Variants in ZAN observed in about 807,000 individuals in gnomAD.
ZAN encodes the protein zonadhesin, also known as zonadhesin (gene/pseudogene).
Under a neutral mutation model 286.2 loss-of-function variants are expected in ZAN, and 260 were observed. The observed-to-expected ratio is 0.91, with a 90% CI of 0.82 to 1.01. The LOEUF is 1.01. Ranked by LOEUF, ZAN falls within the 50% of genes least tolerant of loss-of-function variation. ZAN has a pLI of 0.00. For synonymous variants in ZAN, 1,368 were observed against 1,417.5 expected, an observed-to-expected ratio of 0.97 and a Z score of 0.79; for missense variants, 3,410 against 3,639.2, an observed-to-expected ratio of 0.94 and a Z score of 1.62.
intron 34 of ZAN, among the ~76,000 whole-genome samples, chr7:100,777,904 C>T (rs1025821064): frequency 1.3e-5 from 2 of 151,742 alleles, no homozygotes; most frequent in Non-Finnish European, 2.9e-5. Flanking sequence ...GATTTGAGGG[C>T]GATGACTTCT....
In ZAN at chr7:100,752,152, A is replaced by G; in HGVS notation, c.2047A>G (p.Ser683Gly). Reference protein sequence around the residue: ...EEPVIPTEKPSIPTEKPSIPT... With the variant: ...EEPVIPTEKPGIPTEKPSIPT... ...GCCTGTCATCCCTACAGAAAAACCC[A>G]GCATCCCTACAGAAAAACCCAGCAT... Residue 683 changes from serine to glycine, a missense_variant, in exon 14 of 48, where the codon AGC (serine) becomes GGC (glycine). This residue lies in a region of ZAN where 872 missense variants were observed against 938.9 expected (regional missense o/e 0.93). Coordinates refer to ENST00000613979, the MANE Select transcript of ZAN (RefSeq NM_003386.3). The G allele has an allele frequency of 6.2e-7, 1 of 1,611,862 alleles. No individual in the cohort carries two copies. The highest frequency in any genetic ancestry group is 8.5e-7 in the Non-Finnish European group (1 of 1,179,302).
chr7:100,759,361 A>G (rs1202302155), intron 17 of ZAN, among the ~76,000 whole-genome samples: 3 of 152,102 alleles, frequency 2.0e-5, no homozygotes, highest in Non-Finnish European at 4.4e-5. Flanking sequence ...AGCTATGATC[A>G]CACCACTGCA....
At chr7:100,768,387 G>T (rs1052553319) in intron 26 of ZAN, among the ~76,000 whole-genome samples, 2 of 152,168 alleles carry the variant, frequency 1.3e-5, no homozygotes, top group African/African-American at 4.8e-5. Context: ...CGGGAGAATC[G>T]CTTGAACCTG....
intron 34 of ZAN, 35 bp downstream of exon 34, chr7:100,776,599 C>A: frequency 6.9e-7 from 1 of 1,445,132 alleles, no homozygotes; most frequent in Non-Finnish European, 9.2e-7. Context: ...GGTTTTCTTT[C>A]TTTTTCTTTC....
intron 16 of ZAN, 87 bp from the exon 17 acceptor site, chr7:100,758,444 C>G: frequency 6.4e-7 from 1 of 1,571,552 alleles, no homozygotes; most frequent in South Asian, 1.2e-5. Context: ...TGGGGGCCTG[C>G]CACCGGGCAG....
Position 100,736,863 on chromosome 7 carries a change from G to A in ZAN, c.308G>A (p.Arg103His), listed in dbSNP as rs374155932. 4 of 1,483,942 alleles carry A rather than the reference G, an allele frequency of 2.7e-6. 1 individual carries two copies. The highest frequency in any genetic ancestry group is 4.8e-5 in the East Asian group (2 of 41,930). The allele number at this position is 1,483,942 out of a possible 1,614,324, so 91.9% of individuals were successfully genotyped here. A position where few individuals can be genotyped will look rare whatever the true frequency, so the allele number is the denominator to read the frequency against. ...SNSFHRGGVA[R>H]LLSPDLWEQG... ...AGCTTCCACCGTGGGGGAGTGGCCC[G>A]CCTGCTCAGCCCCGACCTATGGGAG... is the stretch of plus-strand genomic sequence containing the variant. Residue 103 changes from arginine (R) to histidine (H), a missense_variant, in exon 5 of 48, where the codon CGC becomes CAC. Coordinates refer to ENST00000613979, the MANE Select transcript of ZAN (RefSeq NM_003386.3).
At position 100,750,733 on chromosome 7, in the gene ZAN, C is replaced by T; in HGVS notation, c.1358C>T (p.Ala453Val). Residue 453 changes from alanine to valine, a missense_variant, in exon 12 of 48, where the codon GCA becomes GTA. Coordinates refer to ENST00000613979, the MANE Select transcript of ZAN (RefSeq NM_003386.3). ...CCAGGTGACATCTGCGTGGAGTTCGCATACCACATGTATGGCCTTGGGGAG... is the reference window on the plus strand; with the variant it reads ...CCAGGTGACATCTGCGTGGAGTTCGTATACCACATGTATGGCCTTGGGGAG... ...CAPGDICVEFAYHMYGLGEGT... is the reference protein window; with the variant it reads ...CAPGDICVEFVYHMYGLGEGT... 6.2e-7 allele frequency: 1 copy of T among 1,613,128 alleles called. No homozygotes were observed. The highest frequency in any genetic ancestry group is 1.3e-5 in the African/African-American group (1 of 75,050).
At chr7:100,792,176 A>G (rs1016640929) in intron 41 of ZAN, 28 bp downstream of exon 41, 16 of 1,574,982 alleles carry the variant, frequency 1.0e-5, no homozygotes, top group Non-Finnish European at 1.4e-5. Flanking sequence ...GACTTGTGGG[A>G]ATGGCCCAGG....
chr7:100,773,548 C>A, intron 30 of ZAN, 55 bp downstream of exon 30: 1 of 1,593,352 alleles, frequency 6.3e-7, no homozygotes, highest in South Asian at 1.1e-5. Context: ...TGTTTGGGGT[C>A]AGGGCAAGCT....
Position 100,750,861 on chromosome 7 carries a change from G to A in ZAN, c.1486G>A (p.Val496Ile), listed in dbSNP as rs988782745. Reference protein sequence around the residue: ...SQRPYWQNTSVTVPSGHQQPM... With the variant: ...SQRPYWQNTSITVPSGHQQPM... The stretch of plus-strand genomic sequence containing the variant: ...GCGCCCTTACTGGCAGAACACCTCC[G>A]TCACCGTCCCCTCAGGACACCAACA... The change falls in exon 12 of 48, where the codon GTC becomes ATC. Residue 496 changes from valine (V) to isoleucine (I), a missense_variant. By Grantham distance (29) the Val-to-Ile change is conservative. Coordinates refer to ENST00000613979, the MANE Select transcript of ZAN (RefSeq NM_003386.3). 1.6e-5 allele frequency: 25 copies of A among 1,571,430 alleles called. No homozygotes were observed. The highest frequency in any genetic ancestry group is 3.6e-5 in the South Asian group (3 of 83,142).
intron 27 of ZAN, 96 bp from the exon 28 acceptor site, chr7:100,769,784 C>G (rs993930848): frequency 9.2e-6 from 10 of 1,085,670 alleles, no homozygotes; most frequent in African/African-American, 1.6e-5. Flanking sequence ...TGGTCTCAAG[C>G]GATCCTCCTG....
At chr7:100,762,741 G>GC (rs1809685443) in intron 20 of ZAN, among the ~76,000 whole-genome samples, 2 of 135,896 alleles carry the variant, frequency 1.5e-5, no homozygotes, top group Admixed American at 1.5e-4. Flanking sequence ...CCCTCCACCC[G>GC]CCCTTTTTTT....
chr7:100,783,152 C>T (rs1027724862), intron 35 of ZAN, among the ~76,000 whole-genome samples: 1 of 152,024 alleles, frequency 6.6e-6, no homozygotes, highest in South Asian at 2.1e-4. Flanking sequence ...CCTGTAATCC[C>T]AGCTACTCAG....
chr7:100,751,727 A>G lies in ZAN; in HGVS notation c.1622A>G (p.Glu541Gly), dbSNP rs1320700576. ...PGTCPVKVLP[E>G]LPPVSPVSST... is the part of the protein sequence containing the mutation. ...TTCTTTGCAGTAAAAGTGCTACCAG[A>G]GCTTCCTCCCGTATCTCCAGTTTCT... is the stretch of plus-strand genomic sequence containing the variant. The change falls in exon 14 of 48, where the codon GAG becomes GGG. Residue 541 changes from glutamate (E) to glycine (G), a missense_variant. Physicochemically the swap from Glu to Gly is moderately conservative, Grantham distance 98. Around this residue, in one of 7 missense-constraint regions of ZAN, gnomAD observed 872 missense variants for 938.9 expected, o/e 0.93. Coordinates refer to ENST00000613979, the MANE Select transcript of ZAN (RefSeq NM_003386.3). 5 of 1,582,470 alleles carry G rather than the reference A, an allele frequency of 3.2e-6. No individual in the cohort carries two copies. Among genetic ancestry groups the G allele is most frequent in the Non-Finnish European group, 4.3e-6 (5 of 1,170,548 alleles).
At chr7:100,797,341 A>T in intron 45 of ZAN, 25 bp from the exon 46 acceptor site, 1 of 1,610,368 alleles carries the variant, frequency 6.2e-7, no homozygotes, top group Non-Finnish European at 8.5e-7. Context: ...CGTTCGACCT[A>T]ATGTCTCTTC....
In ZAN at chr7:100,752,576, T is replaced by G; in HGVS notation, c.2471T>G (p.Leu824Arg). ...AGCATCCCCATGGAAAAACCCACTC[T>G]CCCCACTGAAGAAACCACCACCTCT... The part of the protein sequence containing the change: ...KPSIPMEKPT[L>R]PTEETTTSVE... Residue 824 changes from leucine to arginine, a missense_variant, in exon 14 of 48, where the codon CTC becomes CGC. Around this residue, in one of 7 missense-constraint regions of ZAN, gnomAD observed 90 missense variants for 87.1 expected, o/e 1.03. Coordinates refer to ENST00000613979, the MANE Select transcript of ZAN (RefSeq NM_003386.3). The G allele has an allele frequency of 6.2e-7, 1 of 1,610,822 alleles. No homozygotes were observed. The highest frequency in any genetic ancestry group is 8.5e-7 in the Non-Finnish European group (1 of 1,179,426).
At chr7:100,758,433 T>C (rs1021180811) in intron 16 of ZAN, 90 bp downstream of exon 16, 76 of 1,583,330 alleles carry the variant, frequency 4.8e-5, no homozygotes, top group Admixed American at 2.8e-4. Flanking sequence ...GAGCAGAGGA[T>C]TGGGGGCCTG....
At chr7:100,742,726 C>T (rs1420637936) in intron 7 of ZAN, among the ~76,000 whole-genome samples, 1 of 66,662 alleles carries the variant, frequency 1.5e-5, no homozygotes. Context: ...CGTGGCGGCG[C>T]GTGCCTGCAA....
chr7:100,773,448 C>T lies in ZAN; in HGVS notation c.5589C>T (p.Pro1863=). Residue 1863 remains proline, a synonymous_variant, in exon 30 of 48, where the codon CCC becomes CCT. Coordinates refer to ENST00000613979, the MANE Select transcript of ZAN (RefSeq NM_003386.3). ...TCTTGAGTGGAACCTCCTGCGTGCC[C>T]CTTGGCCAGTGTGGCTGCACTGACC... ...GHILSGTSCV[P]LGQCGCTDPA... is the part of the protein sequence containing the mutation. The T allele has an allele frequency of 6.2e-7, 1 of 1,613,948 alleles. No homozygotes were observed. Among genetic ancestry groups the T allele is most frequent in the African/African-American group, 1.3e-5 (1 of 75,060 alleles).
Sources: gnomAD v4.1 joint callset for allele counts (sites outside exome capture counted in the v4.1 genomes callset) on GRCh38, gnomAD v4.1.1 for gene constraint, gnomAD v4.1.1 regional missense constraint, MANE v1.5 for transcripts, NCBI Gene and HGNC (gene_info 2026-07-23, HGNC 2026-07-21) for gene names.